Variants in ABHD3 observed in about 807,000 individuals in gnomAD.
ABHD3 encodes abhydrolase domain containing 3, phospholipase, also known as phospholipase ABHD3.
ABHD3 carries 46 observed loss-of-function variants against 48.8 expected under a neutral mutation model. The ratio of observed to expected loss-of-function variants is 0.94; its 90% CI spans 0.74 to 1.20. The LOEUF (loss-of-function observed/expected upper bound fraction) is 1.20, where lower values mean the gene tolerates loss of function less well. ABHD3 is among the 50% of genes most tolerant of loss of function. The pLI, the probability that ABHD3 is intolerant of heterozygous loss-of-function variation, is 0.00. For missense variants in ABHD3, 490 were observed against 497.8 expected, an observed-to-expected ratio of 0.98 and a Z score of 0.15; for synonymous variants, 192 against 183.7, an observed-to-expected ratio of 1.04 and a Z score of -0.36.
intron 3 of ABHD3, among the ~76,000 whole-genome samples, chr18:21,688,100 A>T (rs4800883): frequency 0.52 from 79,094 of 152,050 alleles, 24,489 homozygotes; most frequent in African/African-American, 0.87. Context: ...GATCACACCA[A>T]TGCACTCCGG....
chr18:21,676,175 A>G (rs1233091279), intron 4 of ABHD3, among the ~76,000 whole-genome samples: 1 of 152,188 alleles, frequency 6.6e-6, no homozygotes, highest in East Asian at 1.9e-4. Flanking sequence ...TGGGTCTACA[A>G]CAATATTTTA....
At chr18:21,673,119 C>T (rs1202351858) in intron 4 of ABHD3, among the ~76,000 whole-genome samples, 2 of 152,168 alleles carry the variant, frequency 1.3e-5, no homozygotes, top group East Asian at 1.9e-4. Flanking sequence ...AGGCAAATCT[C>T]GTGACTCACC....
Position 21,703,529 on chromosome 18 carries a change from G to C in ABHD3, c.326+55C>G. ...CCAAGAACTGGGAATAAGCAAGCAA[G>C]CAAACAAACAACCTGTGATTTTGCA... is the stretch of plus-strand genomic sequence containing the variant. On this transcript the variant is annotated intron_variant, in intron 2 of 8. Coordinates refer to ENST00000289119, the MANE Select transcript of ABHD3 (RefSeq NM_138340.5). The C allele has an allele frequency of 3.8e-6, 6 of 1,571,310 alleles. No homozygotes were observed. The South Asian group carries it at 5.6e-5, about 15-fold the overall frequency.
chr18:21,690,996 C>CAAAAAAAAAAAAA (rs34425997), intron 3 of ABHD3, among the ~76,000 whole-genome samples: 1 of 63,228 alleles, frequency 1.6e-5, no homozygotes. Flanking sequence ...GACTCTGTCT[C>CAAAAAAAAAAAAA]AAAAAAAAAA....
At chr18:21,679,481 A>G (rs1171438904) in intron 4 of ABHD3, among the ~76,000 whole-genome samples, 1 of 152,252 alleles carries the variant, frequency 6.6e-6, no homozygotes, top group African/African-American at 2.4e-5. Flanking sequence ...ACGAGTTAAT[A>G]CAGTAGTAGT....
At chr18:21,696,094 T>A (rs1051305144) in intron 3 of ABHD3, among the ~76,000 whole-genome samples, 1 of 152,054 alleles carries the variant, frequency 6.6e-6, no homozygotes, top group African/African-American at 2.4e-5. Flanking sequence ...CTCTCAATTT[T>A]AAAAAGTCAA....
rs188126809 is a variant in ABHD3, at chr18:21,675,215, T to G, written c.555+8705A>C. Among the ~76,000 whole-genome samples, 19 of 151,514 alleles carry G rather than the reference T, an allele frequency of 1.3e-4. No individual in the cohort carries two copies. In the East Asian group the frequency reaches 3.1e-3, roughly 25 times the overall value. ...ACTCATCAGCTTTATGACTTCTGAT[T>G]GTCACCCCACTTCTCCAGAGGTGTC... On this transcript the variant is annotated intron_variant, in intron 4 of 8. Coordinates refer to ENST00000289119, the MANE Select transcript of ABHD3 (RefSeq NM_138340.5).
intron 5 of ABHD3, among the ~76,000 whole-genome samples, chr18:21,662,752 T>C (rs2039531529): frequency 6.6e-6 from 1 of 152,196 alleles, no homozygotes. Flanking sequence ...CACAAGACAT[T>C]AATGTTCAAC....
At chr18:21,653,077 A>C (rs11083254) in intron 8 of ABHD3, among the ~76,000 whole-genome samples, 3 of 76,154 alleles carry the variant, frequency 3.9e-5, no homozygotes, top group Non-Finnish European at 6.8e-5. Flanking sequence ...AAAAAAAAAA[A>C]AAAGAGCTGG....
chr18:21,700,679 C>T (rs1397188497), intron 3 of ABHD3, among the ~76,000 whole-genome samples: 1 of 151,966 alleles, frequency 6.6e-6, no homozygotes, highest in South Asian at 2.1e-4. Flanking sequence ...TTATTACAGG[C>T]GTCAGCCACT....
At chr18:21,657,266 CAAT>C (rs2039378732) in intron 6 of ABHD3, 114 bp from the exon 7 acceptor site, 1 of 853,720 alleles carries the variant, frequency 1.2e-6, no homozygotes, top group African/African-American at 1.7e-5. Flanking sequence ...AGTTGGCACT[CAAT>C]AAATATTTGC....
chr18:21,652,314 G>A (rs538195404), intron 8 of ABHD3, among the ~76,000 whole-genome samples: 1 of 151,798 alleles, frequency 6.6e-6, no homozygotes, highest in East Asian at 1.9e-4. Context: ...GCAACATAGT[G>A]AGACCCCATC....
chr18:21,693,802 C>T (rs1225826567), intron 3 of ABHD3, among the ~76,000 whole-genome samples: 1 of 152,150 alleles, frequency 6.6e-6, no homozygotes, highest in Non-Finnish European at 1.5e-5. Flanking sequence ...AAATGAGTTA[C>T]TGAGAAAAAA....
chr18:21,668,200 C>CAAAAAAAAAAAAAAAAAA (rs747590942), intron 4 of ABHD3, among the ~76,000 whole-genome samples: 3 of 61,326 alleles, frequency 4.9e-5, no homozygotes, highest in African/African-American at 1.5e-4. Context: ...GAATCTATCT[C>CAAAAAAAAAAAAAAAAAA]AAAAAAAAAA....
intron 4 of ABHD3, among the ~76,000 whole-genome samples, chr18:21,669,777 A>T (rs2039715011): frequency 6.6e-6 from 1 of 151,996 alleles, no homozygotes; most frequent in Non-Finnish European, 1.5e-5. Context: ...CTCTCCCTTA[A>T]CTGCACAGCT....
In ABHD3 at chr18:21,683,903, C is replaced by A; in HGVS notation, c.555+17G>T. On this transcript the variant is annotated intron_variant, in intron 4 of 8. Coordinates refer to ENST00000289119, the MANE Select transcript of ABHD3 (RefSeq NM_138340.5). ...TTCTTTAAAAAGTTAAGACTGTTGT[C>A]ATTTAAATTTACTTACCAAGAGATT... 6.3e-7 allele frequency: 1 copy of A among 1,580,184 alleles called. No homozygotes were observed. The highest frequency in any genetic ancestry group is 1.3e-5 in the African/African-American group (1 of 74,228).
intron 3 of ABHD3, among the ~76,000 whole-genome samples, chr18:21,699,026 C>G (rs1487071281): frequency 6.6e-6 from 1 of 152,048 alleles, no homozygotes; most frequent in South Asian, 2.1e-4. Flanking sequence ...CTCCACTACC[C>G]AAGTTCAAGC....
chr18:21,680,349 C>T (rs908622226), intron 4 of ABHD3, among the ~76,000 whole-genome samples: 4 of 152,096 alleles, frequency 2.6e-5, no homozygotes, highest in Non-Finnish European at 5.9e-5. Context: ...CTTGAAACAT[C>T]CTTGTGAGGT....
chr18:21,700,952 C>CA (rs34993965), intron 3 of ABHD3, among the ~76,000 whole-genome samples: 3,721 of 81,296 alleles, frequency 0.046, 273 homozygotes, highest in African/African-American at 0.11. Flanking sequence ...GATTTGGCCT[C>CA]AAAAAAAAAA....
Sources: allele counts gnomAD v4.1 joint callset (sites outside exome capture counted in the v4.1 genomes callset), GRCh38; gene constraint gnomAD v4.1.1; transcripts MANE v1.5; gene names NCBI Gene and HGNC (gene_info 2026-07-23, HGNC 2026-07-21).